The following DZIP1L variants were observed in gnomAD, a reference collection of about 807,000 sequenced individuals.
DZIP1L encodes DAZ interacting zinc finger protein 1 like.
DZIP1L carries 90 observed loss-of-function variants against 88.7 expected under a neutral mutation model. The observed-to-expected ratio is 1.02, with a 90% CI of 0.86 to 1.21. The LOEUF is 1.21. Among genes scored for constraint, DZIP1L ranks in the 50% most tolerant of loss-of-function variants. The pLI is 0.00. For synonymous variants in DZIP1L, 363 were observed against 372.1 expected (o/e 0.98, Z 0.28); for missense variants, 932 against 955.8 (o/e 0.98, Z 0.33).
chr3:138,071,730 C>T lies in DZIP1L; in HGVS notation c.1528G>A (p.Gly510Arg). The change falls in exon 12 of 16, where the codon GGA becomes AGA. Residue 510 changes from glycine to arginine, a missense_variant. Gly to Arg is a moderately radical substitution (Grantham distance 125). Coordinates refer to ENST00000327532, the MANE Select transcript of DZIP1L (RefSeq NM_173543.3). The stretch of plus-strand genomic sequence containing the variant: ...CTGGTGACTTCCTTGACAAGCTTTC[C>T]CCTCAGACTCAGAAATTCAGAAAAC... The part of the protein sequence containing the change: ...RKFSEFLSLR[G>R]KLVKEVTSRA... 1 of 1,614,208 alleles carries T rather than the reference C, an allele frequency of 6.2e-7. No homozygotes were observed. The highest frequency in any genetic ancestry group is 8.5e-7 in the Non-Finnish European group (1 of 1,180,036).
chr3:138,093,038 A>G (rs1944308504), intron 4 of DZIP1L, among the ~76,000 whole-genome samples: 1 of 152,238 alleles, frequency 6.6e-6, no homozygotes. Flanking sequence ...AGAATGGCAA[A>G]TCCTTTCCAA....
rs548833100 is a variant in DZIP1L, at chr3:138,115,388, T to G, written c.-142A>C. The G allele has an allele frequency of 6.6e-6, 1 of 152,220 alleles. No homozygotes were observed. The highest frequency in any genetic ancestry group is 2.1e-4 in the South Asian group (1 of 4,818). The allele number at this position is 152,220 out of a possible 1,614,324, so 9.4% of individuals were successfully genotyped here. The stretch of plus-strand genomic sequence containing the variant: ...CGTCTCGAGGTGGCGGCTCCCATAC[T>G]CGCCCCACGTCCCGCCTCCAGACTT... On this transcript the variant is annotated 5_prime_UTR_variant, in exon 1 of 16. Coordinates refer to ENST00000327532, the MANE Select transcript of DZIP1L (RefSeq NM_173543.3).
At chr3:138,112,678 G>A (rs1193373248) in intron 1 of DZIP1L, among the ~76,000 whole-genome samples, 1 of 152,152 alleles carries the variant, frequency 6.6e-6, no homozygotes. Flanking sequence ...CAGGAGCAGT[G>A]GCTCTCGCCT....
Position 138,068,273 on chromosome 3 carries a change from G to C in DZIP1L, c.1710C>G (p.Pro570=). The part of the protein sequence containing the change: ...VALPSTPAEP[P]PPTRQSHGSH... ...TGCCATGGCTCTGACGAGTTGGTGG[G>C]GGTGGCTCTGCCGGTGTGGATGGCA... The change falls in exon 13 of 16, where the codon CCC becomes CCG. Residue 570 remains proline (P), a synonymous_variant. Coordinates refer to ENST00000327532, the MANE Select transcript of DZIP1L (RefSeq NM_173543.3). The C allele has an allele frequency of 6.3e-7, 1 of 1,599,066 alleles. No individual in the cohort carries two copies. The highest frequency in any genetic ancestry group is 8.5e-7 in the Non-Finnish European group (1 of 1,172,332).
intron 1 of DZIP1L, among the ~76,000 whole-genome samples, chr3:138,110,356 C>T (rs1050723804): frequency 1.6e-4 from 24 of 151,808 alleles, no homozygotes; most frequent in African/African-American, 5.6e-4. Context: ...ATGTAAATGA[C>T]GAGTTAATGG....
Position 138,092,506 on chromosome 3 carries a change from C to T in DZIP1L, c.747G>A (p.Lys249=). 2 of 1,602,700 alleles carry T rather than the reference C, an allele frequency of 1.2e-6. No homozygotes were observed. The highest frequency in any genetic ancestry group is 1.7e-6 in the Non-Finnish European group (2 of 1,176,622). ...GCTCTTTCCATTTATCAAATTCTTTCTTAGCTTCTATTTCCCTCTGATGAA... is the reference window on the plus strand; with the variant it reads ...GCTCTTTCCATTTATCAAATTCTTTTTTAGCTTCTATTTCCCTCTGATGAA... ...ELIHQREIEA[K]KEFDKWKEQE... The change falls in exon 5 of 16, where the codon AAG becomes AAA. Residue 249 remains lysine, a synonymous_variant. Transcript: ENST00000327532.
chr3:138,092,245 T>C, intron 5 of DZIP1L, 138 bp downstream of exon 5: 2 of 960,766 alleles, frequency 2.1e-6, no homozygotes, highest in Non-Finnish European at 2.8e-6. Context: ...GGGCCTCTAA[T>C]ATCAGGCCTC....
At chr3:138,095,713 C>T (rs147917568) in intron 3 of DZIP1L, among the ~76,000 whole-genome samples, 2,967 of 151,972 alleles carry the variant, frequency 0.02, 103 homozygotes, top group African/African-American at 0.068. Context: ...ACCCAGGAGG[C>T]GGAGGTTGCA....
At chr3:138,104,686 C>T (rs528613188) in intron 1 of DZIP1L, among the ~76,000 whole-genome samples, 3 of 152,312 alleles carry the variant, frequency 2.0e-5, no homozygotes, top group South Asian at 4.1e-4. Context: ...GAAATGATGT[C>T]CACCCCTGTC....
At chr3:138,101,260 T>C (rs944744072) in intron 2 of DZIP1L, among the ~76,000 whole-genome samples, 2 of 151,026 alleles carry the variant, frequency 1.3e-5, no homozygotes, top group East Asian at 1.9e-4. Context: ...TGAGGTTTTA[T>C]TTTGGACCAA....
At chr3:138,080,232 C>A in intron 10 of DZIP1L, 1 of 225,520 alleles carries the variant, frequency 4.4e-6, no homozygotes. Context: ...CACTGTTCTG[C>A]ATAGTCGCAG....
rs1559854779 is a variant in DZIP1L, at chr3:138,097,867, T to A, written c.502-20A>T. ...GTGGCACTATACAGAGAGGAAGCAATGGGGAGTACAAGATTAGGTCACCTG... is the reference window on the plus strand; with the variant it reads ...GTGGCACTATACAGAGAGGAAGCAAAGGGGAGTACAAGATTAGGTCACCTG... On this transcript the variant is annotated intron_variant, in intron 2 of 15. Coordinates refer to ENST00000327532, the MANE Select transcript of DZIP1L (RefSeq NM_173543.3). The A allele has an allele frequency of 6.2e-7, 1 of 1,601,622 alleles. No individual in the cohort carries two copies. The highest frequency in any genetic ancestry group is 1.7e-5 in the Admixed American group (1 of 58,664).
intron 12 of DZIP1L, 91 bp downstream of exon 12, chr3:138,071,552 G>C (rs1390647935): frequency 7.0e-7 from 1 of 1,432,882 alleles, no homozygotes; most frequent in African/African-American, 1.4e-5. Context: ...ATGGGGGACA[G>C]AGACTATACC....
chr3:138,072,293 T>C (rs1019399885), intron 11 of DZIP1L, among the ~76,000 whole-genome samples: 32 of 152,116 alleles, frequency 2.1e-4, no homozygotes, highest in African/African-American at 6.8e-4. Context: ...TCAAGACCTA[T>C]TGGAAGTTGC....
chr3:138,068,007 C>T, intron 13 of DZIP1L, 144 bp downstream of exon 13: 1 of 771,090 alleles, frequency 1.3e-6, no homozygotes, highest in Middle Eastern at 3.9e-4. Flanking sequence ...AGAGCTCAGA[C>T]TGGACCCCAC....
At position 138,103,931 on chromosome 3, in the gene DZIP1L, G is replaced by C; in HGVS notation, c.41C>G (p.Pro14Arg). ...GGGGAACGTGTAGGCCCCAAAGAGG[G>C]GGCCACTGAGGCCCTCAGCAGTGGC... ...PAATAEGLSG[P>R]LFGAYTFPTF... The change falls in exon 2 of 16, where the codon CCC becomes CGC. Residue 14 changes from proline to arginine, a missense_variant. Transcript: ENST00000327532. 6.2e-7 allele frequency: 1 copy of C among 1,613,300 alleles called. No individual in the cohort carries two copies. Among genetic ancestry groups the C allele is most frequent in the Non-Finnish European group, 8.5e-7 (1 of 1,180,018 alleles).
At chr3:138,103,438 T>C in intron 2 of DZIP1L, 33 bp downstream of exon 2, 2 of 1,565,060 alleles carry the variant, frequency 1.3e-6, no homozygotes, top group African/African-American at 2.7e-5. Context: ...CACACAGCCC[T>C]CCCACTCTCC....
intron 10 of DZIP1L, 59 bp downstream of exon 10, chr3:138,080,508 G>A: frequency 6.3e-7 from 1 of 1,583,498 alleles, no homozygotes; most frequent in Non-Finnish European, 8.7e-7. Context: ...ACTAAACAAG[G>A]AGGAGGGCAG....
Position 138,077,519 on chromosome 3 carries a change from CGAG to C in DZIP1L, c.1399_1401del (p.Leu467del), listed in dbSNP as rs1559832674. The stretch of plus-strand genomic sequence containing the variant: ...CTCACCTTCCTTATCCCCATGCTTT[CGAG>C]CTTCTCTTCCAGGGTGTCCTCCAGG... On this transcript the variant is annotated inframe_deletion, in exon 11 of 16. Transcript: ENST00000327532. 1 of 1,614,208 alleles carries C rather than the reference CGAG, an allele frequency of 6.2e-7. No homozygotes were observed. Among genetic ancestry groups the C allele is most frequent in the African/African-American group, 1.3e-5 (1 of 75,062 alleles).
Sources: allele counts gnomAD v4.1 joint callset (sites outside exome capture counted in the v4.1 genomes callset), GRCh38; gene constraint gnomAD v4.1.1; transcripts MANE v1.5; gene names NCBI Gene and HGNC (gene_info 2026-07-23, HGNC 2026-07-21).